The following BCR variants were observed in gnomAD, a reference collection of about 807,000 sequenced individuals.
BCR encodes breakpoint cluster region protein.
A neutral mutation model predicts 138.6 loss-of-function variants in BCR; 58 were observed. The observed-to-expected ratio is 0.42, with a 90% CI of 0.34 to 0.52. The LOEUF (loss-of-function observed/expected upper bound fraction) is 0.52. Among genes scored for constraint, BCR ranks in the 20% least tolerant of loss-of-function variants. The pLI is 0.06. For synonymous variants in BCR, 786 were observed against 730.1 expected (o/e 1.08, Z -1.23); for missense variants, 1,599 against 1,727.2 (o/e 0.93, Z 1.32).
chr22:23,311,252 C>T (rs2074003915), intron 18 of BCR, among the ~76,000 whole-genome samples: 1 of 148,074 alleles, frequency 6.8e-6, no homozygotes, highest in African/African-American at 2.5e-5. Context: ...GGCAACCCTT[C>T]ATTCATTCGT....
intron 16 of BCR, among the ~76,000 whole-genome samples, chr22:23,299,947 C>T (rs982773307): frequency 1.3e-5 from 2 of 152,148 alleles, no homozygotes; most frequent in African/African-American, 4.8e-5. Context: ...ACGTGCATCC[C>T]TGCACCATGG....
intron 1 of BCR, among the ~76,000 whole-genome samples, chr22:23,183,877 T>C (rs1332034011): frequency 6.6e-6 from 1 of 152,204 alleles, no homozygotes; most frequent in East Asian, 1.9e-4. Context: ...AGACGCCGAA[T>C]GCAAGTCAGT....
At chr22:23,280,725 C>T (rs1029167338) in intron 8 of BCR, among the ~76,000 whole-genome samples, 2 of 152,272 alleles carry the variant, frequency 1.3e-5, no homozygotes, top group South Asian at 2.1e-4. Flanking sequence ...TCTGCGGGCT[C>T]CTGTGGGGAT....
At chr22:23,276,824 T>C (rs562411558) in intron 8 of BCR, among the ~76,000 whole-genome samples, 2 of 152,352 alleles carry the variant, frequency 1.3e-5, no homozygotes. Context: ...CGAAGCCCCG[T>C]CAGGGTCCGC....
chr22:23,286,715 G>C (rs1049466644), intron 10 of BCR, among the ~76,000 whole-genome samples: 11 of 152,258 alleles, frequency 7.2e-5, no homozygotes, highest in African/African-American at 2.6e-4. Flanking sequence ...TTCTGTTGAC[G>C]GTCGTCTGGT....
At chr22:23,299,515 G>T (rs1010426441) in intron 16 of BCR, among the ~76,000 whole-genome samples, 5 of 151,966 alleles carry the variant, frequency 3.3e-5, no homozygotes, top group Non-Finnish European at 5.9e-5. Flanking sequence ...CTCCCATCAC[G>T]TCCCCCGTGA....
chr22:23,253,994 G>A lies in BCR; in HGVS notation c.1461+14G>A, dbSNP rs746445769. 1 of 1,601,198 alleles carries A rather than the reference G, an allele frequency of 6.2e-7. No homozygotes were observed. Among genetic ancestry groups the A allele is most frequent in the East Asian group, 2.2e-5 (1 of 44,656 alleles). On this transcript the variant is annotated intron_variant, in intron 2 of 22. Coordinates refer to ENST00000305877, the MANE Select transcript of BCR (RefSeq NM_004327.4). ...TCCACTAAAGCGGTGAGTCCCCATG[G>A]TGTACGTGTGGCAGGAGGGCCAGGT...
chr22:23,211,655 T>TTTTTG (rs143530091), intron 1 of BCR, among the ~76,000 whole-genome samples: 7,843 of 151,766 alleles, frequency 0.052, 691 homozygotes, highest in African/African-American at 0.18. Flanking sequence ...TGGCTAGTTT[T>TTTTTG]TTTTGTTTTG....
At chr22:23,302,075 C>T (rs572965830) in intron 16 of BCR, among the ~76,000 whole-genome samples, 39 of 151,942 alleles carry the variant, frequency 2.6e-4, no homozygotes, top group South Asian at 1.2e-3. Flanking sequence ...ATTTCTAGAG[C>T]CCCCCCACCG....
At chr22:23,219,236 G>A (rs968562742) in intron 1 of BCR, among the ~76,000 whole-genome samples, 10 of 152,220 alleles carry the variant, frequency 6.6e-5, no homozygotes, top group African/African-American at 2.4e-4. Context: ...TGCTTCTCAA[G>A]GCTGAAAATT....
intron 1 of BCR, among the ~76,000 whole-genome samples, chr22:23,244,404 AC>A (rs1246533023): frequency 6.6e-6 from 1 of 152,084 alleles, no homozygotes; most frequent in Non-Finnish European, 1.5e-5. Context: ...TGGGCTTCTC[AC>A]CTTGGTGTCC....
chr22:23,181,022 C>A lies in BCR; in HGVS notation c.62C>A (p.Pro21Gln), dbSNP rs551631242. 5.3e-6 allele frequency: 8 copies of A among 1,495,542 alleles called. No homozygotes were observed. The highest frequency in any genetic ancestry group is 7.2e-6 in the Non-Finnish European group (8 of 1,114,080). 92.6% of individuals were successfully genotyped at this position (1,495,542 alleles called of 1,614,324 possible). A position where few individuals can be genotyped will look rare whatever the true frequency, so the allele number is the denominator to read the frequency against. ...WKAQFPDSEP[P>Q]RMELRSVGDI... The stretch of plus-strand genomic sequence containing the variant: ...GCGCAGTTCCCGGACTCAGAGCCCC[C>A]GCGCATGGAGCTGCGCTCAGTGGGC... Residue 21 changes from proline (P) to glutamine (Q), a missense_variant, in exon 1 of 23, where the codon CCG becomes CAG. By Grantham distance (76) the Pro-to-Gln change is moderately conservative (BLOSUM62 -1). Around this residue, in one of 4 missense-constraint regions of BCR, gnomAD observed 806 missense variants for 635.0 expected, o/e 1.27. Transcript: ENST00000305877.
chr22:23,215,363 C>T (rs2072740318), intron 1 of BCR, among the ~76,000 whole-genome samples: 1 of 152,210 alleles, frequency 6.6e-6, no homozygotes, highest in Non-Finnish European at 1.5e-5. Flanking sequence ...ACCACTCAGC[C>T]ATCTGCTCAT....
intron 1 of BCR, among the ~76,000 whole-genome samples, chr22:23,222,433 T>G (rs1280189457): frequency 6.6e-6 from 1 of 152,116 alleles, no homozygotes; most frequent in African/African-American, 2.4e-5. Context: ...AGTATGTTGG[T>G]GGGAAAAGGT....
intron 1 of BCR, among the ~76,000 whole-genome samples, chr22:23,219,946 C>T (rs1396099943): frequency 6.6e-6 from 1 of 152,242 alleles, no homozygotes; most frequent in Non-Finnish European, 1.5e-5. Flanking sequence ...GCCTTCTCGC[C>T]TCCAAGTCTG....
intron 15 of BCR, among the ~76,000 whole-genome samples, chr22:23,294,289 T>C (rs1015962980): frequency 2.0e-5 from 3 of 152,220 alleles, no homozygotes; most frequent in Non-Finnish European, 4.4e-5. Flanking sequence ...ACACATGTTA[T>C]GTGTTCTGAC....
intron 16 of BCR, among the ~76,000 whole-genome samples, chr22:23,297,318 C>T (rs1364148323): frequency 6.6e-6 from 1 of 150,644 alleles, no homozygotes; most frequent in Non-Finnish European, 1.5e-5. Flanking sequence ...CGGGTTCAAG[C>T]GATTCTCCTG....
chr22:23,197,561 G>A (rs2072498810), intron 1 of BCR, among the ~76,000 whole-genome samples: 1 of 152,164 alleles, frequency 6.6e-6, no homozygotes, highest in Non-Finnish European at 1.5e-5. Context: ...GAAAGTAGCA[G>A]GCTCTGGTTG....
At chr22:23,226,057 G>T (rs1391290625) in intron 1 of BCR, among the ~76,000 whole-genome samples, 1 of 152,230 alleles carries the variant, frequency 6.6e-6, no homozygotes, top group African/African-American at 2.4e-5. Flanking sequence ...CCGGAGCCTG[G>T]GTCCCCTGGC....
Sources: gnomAD v4.1 joint callset for allele counts (sites outside exome capture counted in the v4.1 genomes callset) on GRCh38, gnomAD v4.1.1 for gene constraint, gnomAD v4.1.1 regional missense constraint, MANE v1.5 for transcripts, NCBI Gene and HGNC (gene_info 2026-07-23, HGNC 2026-07-21) for gene names.